HMG20A: variants seen among roughly 807,000 people sequenced by gnomAD.
HMG20A encodes high mobility group 20A.
In HMG20A, 17 loss-of-function variants were observed where a neutral mutation model predicts 43.9. The observed-to-expected ratio is 0.39, with a 90% CI of 0.27 to 0.58. HMG20A has a LOEUF of 0.58. HMG20A is among the 20% of genes least tolerant of loss of function. HMG20A has a pLI of 0.59. For missense variants in HMG20A, 341 were observed against 438.2 expected (o/e 0.78, Z 1.98); for synonymous variants, 132 against 147.5 (o/e 0.89, Z 0.76).
intron 1 of HMG20A, among the ~76,000 whole-genome samples, chr15:77,440,625 G>GTAAAC (rs2049326480): frequency 1.3e-5 from 2 of 152,274 alleles, no homozygotes; most frequent in East Asian, 3.9e-4. Context: ...CCAGGCGGAT[G>GTAAAC]TAAACTACAT....
rs1188578153 is a variant in HMG20A at position 77,485,454 on chromosome 15, A to G, written c.*2491A>G. The G allele has an allele frequency of 6.6e-6, 1 of 152,666 alleles. No individual in the cohort carries two copies. 9.5% of individuals were successfully genotyped at this position (152,666 alleles called of 1,614,324 possible). On this transcript the variant is annotated 3_prime_UTR_variant, in exon 10 of 10. Coordinates refer to ENST00000336216, the MANE Select transcript of HMG20A (RefSeq NM_001304504.2). ...GTATTTTATTTCTGACTGATTTTAG[A>G]AAAAACTTGTGTACATGTGTTTGGA...
At chr15:77,471,706 T>C in intron 5 of HMG20A, 77 bp from the exon 6 acceptor site, 1 of 869,130 alleles carries the variant, frequency 1.2e-6, no homozygotes, top group East Asian at 2.4e-5. Flanking sequence ...TTTTATAGTT[T>C]GGCAGAGTCG....
In HMG20A at chr15:77,471,015, C is replaced by G; in HGVS notation, c.556C>G (p.Arg186Gly). ...GGTCTTCAGTAGGAAAACCCAGGAC[C>G]GTCAGAAAGGCAAATCTCATAGGCA... ...YKVFSRKTQDRQKGKSHRQDA... is the reference protein window; with the variant it reads ...YKVFSRKTQDGQKGKSHRQDA... The change falls in exon 5 of 10, where the codon CGT becomes GGT. Residue 186 changes from arginine to glycine, a missense_variant. Arg to Gly is a moderately radical substitution (Grantham distance 125). This residue lies in a region of HMG20A where 220 missense variants were observed against 263.6 expected (regional missense o/e 0.83). Coordinates refer to ENST00000336216, the MANE Select transcript of HMG20A (RefSeq NM_001304504.2). 1 of 1,611,698 alleles carries G rather than the reference C, an allele frequency of 6.2e-7. No individual in the cohort carries two copies. Among genetic ancestry groups the G allele is most frequent in the Non-Finnish European group, 8.5e-7 (1 of 1,179,240 alleles).
At chr15:77,465,945 T>C (rs2072753207) in intron 3 of HMG20A, among the ~76,000 whole-genome samples, 2 of 152,204 alleles carry the variant, frequency 1.3e-5, no homozygotes, top group African/African-American at 4.8e-5. Context: ...GTACCTTACA[T>C]CTTATTTAAA....
intron 8 of HMG20A, 35 bp downstream of exon 8, chr15:77,478,545 G>T (rs748838579): frequency 6.4e-7 from 1 of 1,558,088 alleles, no homozygotes; most frequent in South Asian, 1.1e-5. Flanking sequence ...TCAGTGACAG[G>T]GGTGTGTGTG....
At chr15:77,506,675 A>G in the HMG20A span, among the ~76,000 whole-genome samples, 14 of 152,246 alleles carry the variant, frequency 9.2e-5, no homozygotes, top group Non-Finnish European at 2.1e-4. Flanking sequence ...CCTGCCTGCC[A>G]CACTGCGCCC....
intron 1 of HMG20A, among the ~76,000 whole-genome samples, chr15:77,445,331 C>T (rs759469252): frequency 6.6e-6 from 1 of 152,140 alleles, no homozygotes; most frequent in African/African-American, 2.4e-5. Flanking sequence ...GGACCCTTTC[C>T]CTGGAATTGT....
chr15:77,426,375 G>C (rs1219157604), intron 1 of HMG20A, among the ~76,000 whole-genome samples: 1 of 152,114 alleles, frequency 6.6e-6, no homozygotes, highest in Non-Finnish European at 1.5e-5. Flanking sequence ...ATTAACACAT[G>C]TTTTATATGT....
intron 9 of HMG20A, chr15:77,482,289 A>G (rs1246129754): frequency 1.3e-5 from 2 of 152,214 alleles, no homozygotes; most frequent in Non-Finnish European, 1.5e-5. Flanking sequence ...GCTCATTTTA[A>G]AATTATTTTG....
intron 9 of HMG20A, 72 bp downstream of exon 9, chr15:77,479,393 T>C: frequency 2.8e-6 from 4 of 1,429,478 alleles, no homozygotes; most frequent in Non-Finnish European, 2.9e-6. Flanking sequence ...ACTTTATCAA[T>C]ACTACTAAAA....
chr15:77,480,716 A>G (rs1271620304), intron 9 of HMG20A, among the ~76,000 whole-genome samples: 1 of 144,612 alleles, frequency 6.9e-6, no homozygotes, highest in African/African-American at 2.5e-5. Context: ...AGTAGTATGT[A>G]TCCTTTTTTT....
intron 9 of HMG20A, among the ~76,000 whole-genome samples, chr15:77,480,095 A>C (rs2072892612): frequency 6.6e-6 from 1 of 152,004 alleles, no homozygotes; most frequent in Non-Finnish European, 1.5e-5. Context: ...GTTCAAGACC[A>C]GTCTGGGCAA....
chr15:77,447,736 T>A (rs1467249054), intron 1 of HMG20A: 1 of 152,174 alleles, frequency 6.6e-6, no homozygotes. Context: ...ACAAGGAAGA[T>A]AACGGACTGT....
At chr15:77,464,191 G>GT in intron 2 of HMG20A, 49 bp from the exon 3 acceptor site, 1 of 1,598,514 alleles carries the variant, frequency 6.3e-7, no homozygotes, top group Non-Finnish European at 8.6e-7. Context: ...TAGAACCTTA[G>GT]TAAATAGGTG....
At chr15:77,436,390 C>T (rs1226672438) in intron 1 of HMG20A, among the ~76,000 whole-genome samples, 1 of 152,150 alleles carries the variant, frequency 6.6e-6, no homozygotes, top group Non-Finnish European at 1.5e-5. Flanking sequence ...CACTGTCATG[C>T]TATGGTGGAC....
the HMG20A span, among the ~76,000 whole-genome samples, chr15:77,519,633 C>A: frequency 6.6e-6 from 1 of 152,194 alleles, no homozygotes; most frequent in East Asian, 1.9e-4. Flanking sequence ...GAAGGCAAAC[C>A]CTTACCAGAC....
chr15:77,464,231 A>G lies in HMG20A; in HGVS notation c.90-9A>G, dbSNP rs746135443. The G allele has an allele frequency of 1.2e-5, 20 of 1,612,786 alleles. No individual in the cohort carries two copies. The African/African-American group carries it at 1.6e-4, about 13-fold the overall frequency. On this transcript the variant is annotated splice_polypyrimidine_tract_variant and intron_variant, in intron 2 of 9. Coordinates refer to ENST00000336216, the MANE Select transcript of HMG20A (RefSeq NM_001304504.2). ...TTTTGTGTTGTTGATACTTCTGCCT[A>G]TTATTCAGGTTAAATCACCCAGAGG...
chr15:77,486,059 A>C (rs142155854), downstream of HMG20A, among the ~76,000 whole-genome samples: 14 of 152,378 alleles, frequency 9.2e-5, no homozygotes, highest in East Asian at 2.5e-3. Context: ...ACTAATTGCT[A>C]CTTCAAAATG....
chr15:77,481,784 C>T (rs1219856671), intron 9 of HMG20A, among the ~76,000 whole-genome samples: 1 of 152,144 alleles, frequency 6.6e-6, no homozygotes, highest in Non-Finnish European at 1.5e-5. Flanking sequence ...GTTCCCCACA[C>T]CCCCAAAACT....
Sources: gnomAD v4.1 joint callset for allele counts (sites outside exome capture counted in the v4.1 genomes callset) on GRCh38, gnomAD v4.1.1 for gene constraint, gnomAD v4.1.1 regional missense constraint, MANE v1.5 for transcripts, NCBI Gene and HGNC (gene_info 2026-07-23, HGNC 2026-07-21) for gene names.